SORCS2: variants seen among roughly 807,000 people sequenced by gnomAD.
The protein encoded by SORCS2 is VPS10 domain-containing receptor SorCS2.
In SORCS2, 100 loss-of-function variants were observed where a neutral mutation model predicts 141.6. The ratio of observed to expected loss-of-function variants is 0.71; its 90% CI spans 0.60 to 0.83. The LOEUF (loss-of-function observed/expected upper bound fraction) is 0.83. SORCS2 is among the 40% of genes least tolerant of loss of function. The probability of loss-of-function intolerance (pLI) is 0.00; values close to 1 mark genes in which losing one functional copy is unlikely to be tolerated. For missense variants in SORCS2, 1,646 were observed against 1,560.2 expected (o/e 1.05, Z -0.93); for synonymous variants, 789 against 676.9 (o/e 1.17, Z -2.57).
intron 8 of SORCS2, among the ~76,000 whole-genome samples, chr4:7,670,271 G>A (rs920510295): frequency 2.0e-4 from 31 of 152,162 alleles, no homozygotes; most frequent in Admixed American, 1.7e-3. Context: ...AGGGTGGGCC[G>A]TTTTTATATT....
intron 2 of SORCS2, among the ~76,000 whole-genome samples, chr4:7,456,338 C>A (rs1020386390): frequency 2.0e-5 from 3 of 152,012 alleles, no homozygotes. Flanking sequence ...TGAAATTATG[C>A]GAATGAGGCA....
chr4:7,220,922 C>T lies in SORCS2; in HGVS notation c.480+27796C>T, dbSNP rs191390224. On this transcript the variant is annotated intron_variant, in intron 1 of 26. Coordinates refer to ENST00000507866, the MANE Select transcript of SORCS2 (RefSeq NM_020777.3). Reference sequence around the variant, plus strand: ...CATGATTAATTAAGCAGCACCCACACAGGTTGTTTAAAAAAGGAATGATTT... The same window carrying T: ...CATGATTAATTAAGCAGCACCCACATAGGTTGTTTAAAAAAGGAATGATTT... Among the ~76,000 whole-genome samples the T allele has an allele frequency of 8.0e-4, 122 of 152,316 alleles. 1 individual carries two copies. The highest frequency in any genetic ancestry group is 2.1e-3 in the Admixed American group (32 of 15,306).
At chr4:7,494,801 T>A (rs1731513784) in intron 2 of SORCS2, among the ~76,000 whole-genome samples, 2 of 152,132 alleles carry the variant, frequency 1.3e-5, no homozygotes, top group African/African-American at 4.8e-5. Flanking sequence ...GTAAGGGGTG[T>A]CATCCGGTCC....
At chr4:7,726,695 CAGTG>C (rs1220723930) in intron 20 of SORCS2, 81 bp from the exon 21 acceptor site, 15 of 1,528,938 alleles carry the variant, frequency 9.8e-6, no homozygotes, top group East Asian at 2.3e-5. Flanking sequence ...GCAATGCTCT[CAGTG>C]AGGCAGCGAC....
chr4:7,587,346 C>T (rs1473758234), intron 3 of SORCS2, among the ~76,000 whole-genome samples: 1 of 152,222 alleles, frequency 6.6e-6, no homozygotes, highest in African/African-American at 2.4e-5. Flanking sequence ...CATCTTCTGA[C>T]AATCGGGGAC....
At chr4:7,533,494 G>T (rs7683079) in intron 3 of SORCS2, among the ~76,000 whole-genome samples, 4,370 of 152,294 alleles carry the variant, frequency 0.029, 212 homozygotes, top group African/African-American at 0.1. Flanking sequence ...ATCTGGTCCT[G>T]GTGGCCTTCC....
At chr4:7,435,353 T>C (rs186003395) in intron 2 of SORCS2, among the ~76,000 whole-genome samples, 89 of 152,336 alleles carry the variant, frequency 5.8e-4, no homozygotes, top group African/African-American at 2.0e-3. Flanking sequence ...CTCTGCCTTA[T>C]TTGCTGAAGA....
chr4:7,408,948 C>T (rs889811198), intron 2 of SORCS2, among the ~76,000 whole-genome samples: 12 of 151,770 alleles, frequency 7.9e-5, no homozygotes, highest in Non-Finnish European at 1.3e-4. Flanking sequence ...AGATTTCTCT[C>T]TGTTAAATTA....
At chr4:7,683,238 A>C (rs78591330) in intron 10 of SORCS2, among the ~76,000 whole-genome samples, 18 of 141,566 alleles carry the variant, frequency 1.3e-4, no homozygotes, top group Middle Eastern at 4.0e-3. Flanking sequence ...CTTGGCTGGG[A>C]TCAGCTGAGC....
rs774083540 is a variant in SORCS2 at position 7,697,199 on chromosome 4, T to C, written c.1593T>C (p.Gly531=). ...DTAPGLIMGA[G]NLGSQLVEYK... ...ACTGCCCCTTTTCTTTTGGACCAGG[T>C]AACCTGGGCTCACAGCTGGTGGAAT... Residue 531 remains glycine (G), a splice_region_variant and synonymous_variant, in exon 12 of 27, where the codon GGT becomes GGC. Coordinates refer to ENST00000507866, the MANE Select transcript of SORCS2 (RefSeq NM_020777.3). 2.5e-6 allele frequency: 4 copies of C among 1,578,596 alleles called. No individual in the cohort carries two copies. The highest frequency in any genetic ancestry group is 3.4e-6 in the Non-Finnish European group (4 of 1,162,170).
chr4:7,249,725 C>T (rs1189181002), intron 1 of SORCS2, among the ~76,000 whole-genome samples: 4 of 152,200 alleles, frequency 2.6e-5, no homozygotes, highest in South Asian at 4.1e-4. Flanking sequence ...GCACAAAGCA[C>T]GTGGTGGAGC....
rs559714151 is a variant in SORCS2 at position 7,404,632 on chromosome 4, C to T, written c.548+8277C>T. On this transcript the variant is annotated intron_variant, in intron 2 of 26. Coordinates refer to ENST00000507866, the MANE Select transcript of SORCS2 (RefSeq NM_020777.3). ...GTTGAGCATTTTTTCATCTGCCTGTCGACCATGTGTATGTCTTCTTTTGAA... is the reference window on the plus strand; with the variant it reads ...GTTGAGCATTTTTTCATCTGCCTGTTGACCATGTGTATGTCTTCTTTTGAA... Among the ~76,000 whole-genome samples the T allele has an allele frequency of 9.2e-5, 14 of 152,126 alleles. No individual in the cohort carries two copies. The South Asian group carries it at 2.1e-3, about 23-fold the overall frequency.
chr4:7,435,162 C>A (rs902616199), intron 2 of SORCS2, among the ~76,000 whole-genome samples: 1 of 152,156 alleles, frequency 6.6e-6, no homozygotes, highest in Admixed American at 6.5e-5. Context: ...CCTAGGAAGC[C>A]CTCCTGGCCC....
chr4:7,446,644 A>G (rs1036319143), intron 2 of SORCS2, among the ~76,000 whole-genome samples: 1 of 152,098 alleles, frequency 6.6e-6, no homozygotes, highest in African/African-American at 2.4e-5. Flanking sequence ...GGTGGAATCC[A>G]GGCCTGGAGT....
At chr4:7,545,328 G>C (rs747898206) in intron 3 of SORCS2, among the ~76,000 whole-genome samples, 16 of 152,092 alleles carry the variant, frequency 1.1e-4, no homozygotes, top group African/African-American at 3.6e-4. Context: ...AGGCTCAGGG[G>C]CACACATACA....
At chr4:7,488,518 C>G (rs115049124) in intron 2 of SORCS2, among the ~76,000 whole-genome samples, 2,197 of 152,310 alleles carry the variant, frequency 0.014, 19 homozygotes, top group Middle Eastern at 0.027. Context: ...CTGGTGCAGA[C>G]CCTGCCTCCT....
intron 2 of SORCS2, among the ~76,000 whole-genome samples, chr4:7,448,648 T>C (rs1446394682): frequency 2.2e-5 from 3 of 139,336 alleles, no homozygotes; most frequent in African/African-American, 8.0e-5. Flanking sequence ...TTGCCTGCCT[T>C]CCTGACTTCC....
At chr4:7,299,745 T>G (rs1300952284) in intron 1 of SORCS2, among the ~76,000 whole-genome samples, 1 of 152,190 alleles carries the variant, frequency 6.6e-6, no homozygotes, top group Non-Finnish European at 1.5e-5. Flanking sequence ...CATCCCATTT[T>G]CCTGGGGCCC....
chr4:7,500,910 T>A (rs1577664847), intron 2 of SORCS2, among the ~76,000 whole-genome samples: 1 of 152,128 alleles, frequency 6.6e-6, no homozygotes. Context: ...AGCCCCAGGC[T>A]CCACCAGCCC....
Sources: allele counts gnomAD v4.1 joint callset (sites outside exome capture counted in the v4.1 genomes callset), GRCh38; gene constraint gnomAD v4.1.1; transcripts MANE v1.5; gene names NCBI Gene and HGNC (gene_info 2026-07-23, HGNC 2026-07-21).